TYR: variants seen among roughly 807,000 people sequenced by gnomAD.
TYR encodes the protein LB24-AB.
Under a neutral mutation model 51.5 loss-of-function variants are expected in TYR, and 58 were observed. The observed-to-expected ratio is 1.13, with a 90% CI of 0.91 to 1.40. The LOEUF is 1.40. Ranked by LOEUF, TYR falls within the 40% of genes most tolerant of loss-of-function variation. The pLI is 0.00. For missense variants in TYR, 732 were observed against 647.4 expected (o/e 1.13, Z -1.42); for synonymous variants, 263 against 235.2 (o/e 1.12, Z -1.08).
chr11:89,200,742 T>G (rs1943587113), intron 2 of TYR: 1 of 152,132 alleles, frequency 6.6e-6, no homozygotes, highest in Non-Finnish European at 1.5e-5. Flanking sequence ...TATTATAATT[T>G]ATTGTTTGGT....
intron 3 of TYR, among the ~76,000 whole-genome samples, chr11:89,260,361 A>C (rs771852832): frequency 2.0e-5 from 3 of 152,106 alleles, no homozygotes; most frequent in African/African-American, 7.2e-5. Flanking sequence ...GAGAGAACTG[A>C]CTTCTTACCA....
chr11:89,212,312 T>C (rs1943769731), intron 2 of TYR, among the ~76,000 whole-genome samples: 1 of 150,992 alleles, frequency 6.6e-6, no homozygotes, highest in South Asian at 2.1e-4. Context: ...TAAACACCTC[T>C]ATGCAAATAA....
chr11:89,208,169 C>G (rs1943698033), intron 2 of TYR, among the ~76,000 whole-genome samples: 1 of 152,128 alleles, frequency 6.6e-6, no homozygotes, highest in Non-Finnish European at 1.5e-5. Flanking sequence ...ACTCGGGAGG[C>G]TGAGGCAGGA....
chr11:89,228,224 C>T (rs941165853), intron 3 of TYR, among the ~76,000 whole-genome samples: 3 of 152,078 alleles, frequency 2.0e-5, no homozygotes, highest in African/African-American at 7.2e-5. Context: ...AATAAGTGTA[C>T]AATGTCAGTT....
intron 3 of TYR, among the ~76,000 whole-genome samples, chr11:89,234,870 T>A (rs570850011): frequency 6.6e-6 from 1 of 151,830 alleles, no homozygotes; most frequent in East Asian, 1.9e-4. Flanking sequence ...ATTACCAAAA[T>A]GTGACAGACA....
intron 3 of TYR, among the ~76,000 whole-genome samples, chr11:89,244,150 C>A (rs1489166266): frequency 2.6e-5 from 4 of 152,066 alleles, no homozygotes; most frequent in African/African-American, 7.2e-5. Context: ...AACAAACATA[C>A]AAAAGGGTAG....
chr11:89,222,612 G>A (rs945749141), intron 2 of TYR, among the ~76,000 whole-genome samples: 3 of 152,172 alleles, frequency 2.0e-5, no homozygotes, highest in Admixed American at 6.5e-5. Context: ...GCTGGCTTGT[G>A]CCTGTAATCC....
intron 1 of TYR, among the ~76,000 whole-genome samples, chr11:89,190,006 T>TC (rs1943421645): frequency 6.6e-6 from 1 of 152,146 alleles, no homozygotes; most frequent in Non-Finnish European, 1.5e-5. Flanking sequence ...AATGCATTAC[T>TC]CATGTCTTCG....
chr11:89,184,368 T>C (rs1943340617), intron 1 of TYR, among the ~76,000 whole-genome samples: 1 of 152,170 alleles, frequency 6.6e-6, no homozygotes, highest in Admixed American at 6.6e-5. Flanking sequence ...GTCTACATAC[T>C]TGTAGCGTCC....
At chr11:89,266,923 T>G (rs2135311524) in intron 3 of TYR, among the ~76,000 whole-genome samples, 1 of 152,030 alleles carries the variant, frequency 6.6e-6, no homozygotes, top group East Asian at 1.9e-4. Flanking sequence ...CTACAAGTGT[T>G]AGAGTTTGTG....
intron 4 of TYR, among the ~76,000 whole-genome samples, chr11:89,294,536 C>T (rs1321587279): frequency 6.6e-6 from 1 of 152,176 alleles, no homozygotes; most frequent in African/African-American, 2.4e-5. Context: ...GGCACAGGGC[C>T]CACTCCTATG....
chr11:89,211,816 T>C (rs1308811521), intron 2 of TYR, among the ~76,000 whole-genome samples: 2 of 152,124 alleles, frequency 1.3e-5, no homozygotes, highest in Non-Finnish European at 1.5e-5. Context: ...CACAACTACA[T>C]GGAAACTGAA....
intron 3 of TYR, among the ~76,000 whole-genome samples, chr11:89,267,766 C>T (rs1313952735): frequency 1.3e-5 from 2 of 151,504 alleles, no homozygotes; most frequent in Non-Finnish European, 2.9e-5. Context: ...TTTCTTTTTC[C>T]TGATTAACTT....
At chr11:89,286,587 G>T (rs1451037750) in intron 4 of TYR, among the ~76,000 whole-genome samples, 3 of 151,654 alleles carry the variant, frequency 2.0e-5, no homozygotes, top group Non-Finnish European at 4.4e-5. Flanking sequence ...ACACAATTTG[G>T]GGCTAACAGG....
At chr11:89,219,024 T>C (rs1364624589) in intron 2 of TYR, among the ~76,000 whole-genome samples, 2 of 152,202 alleles carry the variant, frequency 1.3e-5, no homozygotes, top group East Asian at 3.9e-4. Flanking sequence ...ATAATCACAA[T>C]ACCTACCTCA....
At chr11:89,239,968 C>T (rs1185380228) in intron 3 of TYR, among the ~76,000 whole-genome samples, 1 of 152,114 alleles carries the variant, frequency 6.6e-6, no homozygotes, top group Non-Finnish European at 1.5e-5. Context: ...ATGATCTATC[C>T]TTATGATAAA....
intron 3 of TYR, among the ~76,000 whole-genome samples, chr11:89,245,037 T>G (rs1425224936): frequency 6.6e-6 from 1 of 152,224 alleles, no homozygotes; most frequent in East Asian, 1.9e-4. Flanking sequence ...CCTATCACTA[T>G]GCCTAGCATA....
chr11:89,195,810 A>C (rs1233904412), intron 2 of TYR, among the ~76,000 whole-genome samples: 1 of 152,200 alleles, frequency 6.6e-6, no homozygotes, highest in Non-Finnish European at 1.5e-5. Flanking sequence ...TGTCACATTA[A>C]AACAGAAATT....
intron 3 of TYR, among the ~76,000 whole-genome samples, chr11:89,267,922 A>C (rs1470665514): frequency 6.6e-6 from 1 of 151,972 alleles, no homozygotes; most frequent in Non-Finnish European, 1.5e-5. Context: ...TACTAACTAA[A>C]TAGAGGAAAG....
Sources: gnomAD v4.1 joint callset for allele counts (sites outside exome capture counted in the v4.1 genomes callset) on GRCh38, gnomAD v4.1.1 for gene constraint, MANE v1.5 for transcripts, NCBI Gene and HGNC (gene_info 2026-07-23, HGNC 2026-07-21) for gene names.